The following CAST variants were observed in gnomAD, a reference collection of about 807,000 sequenced individuals.
CAST encodes calpastatin.
CAST carries 76 observed loss-of-function variants against 119.6 expected under a neutral mutation model. The observed-to-expected ratio is 0.64, with a 90% CI of 0.53 to 0.77. The LOEUF (loss-of-function observed/expected upper bound fraction) is 0.77. Among genes scored for constraint, CAST ranks in the 30% least tolerant of loss-of-function variants. The pLI, the probability that CAST is intolerant of heterozygous loss-of-function variation, is 0.00. For missense variants in CAST, 953 were observed against 946.5 expected, an observed-to-expected ratio of 1.01 and a Z score of -0.09; for synonymous variants, 319 against 331.6, an observed-to-expected ratio of 0.96 and a Z score of 0.41.
intron 1 of CAST, among the ~76,000 whole-genome samples, chr5:96,617,790 TAAAAAAAAAAAAAAAAAAAAAAAAAAAA>T (rs1162873931): frequency 9.1e-5 from 2 of 21,972 alleles, no homozygotes; most frequent in African/African-American, 1.2e-4. Context: ...AAATTCCATC[TAAAAAAAAAAAAAAAAAAAAAAAAAAAA>T]AAAAAAAAAA....
chr5:96,695,683 C>T lies in CAST; in HGVS notation c.139-153C>T, dbSNP rs61669951. 3,567 of 477,574 alleles carry T rather than the reference C, an allele frequency of 7.5e-3. 106 individuals are homozygous for T. The highest frequency in any genetic ancestry group is 0.062 in the African/African-American group (3,176 of 51,012). 29.6% of individuals were successfully genotyped at this position (477,574 alleles called of 1,614,324 possible). Reference sequence around the variant, plus strand: ...TTTGTATCATCTTCAGGCAAAGTAACGAAAAATTCAAAGCATATGTTTACT... The same window carrying T: ...TTTGTATCATCTTCAGGCAAAGTAATGAAAAATTCAAAGCATATGTTTACT... On this transcript the variant is annotated intron_variant, in intron 2 of 31. Transcript: ENST00000675179.
At chr5:96,097,406 A>G in the CAST span, among the ~76,000 whole-genome samples, 1 of 151,092 alleles carries the variant, frequency 6.6e-6, no homozygotes, top group Non-Finnish European at 1.5e-5. Context: ...AACTTGTGCC[A>G]TGGGGTTTGT....
At chr5:96,659,865 G>A (rs1042570850), upstream of CAST, among the ~76,000 whole-genome samples, 16 of 152,068 alleles carry the variant, frequency 1.1e-4, no homozygotes, top group Admixed American at 7.9e-4. Flanking sequence ...AGTAAATGCT[G>A]GTCCATGATA....
At chr5:96,079,025 C>G in the CAST span, 1 of 423,474 alleles carries the variant, frequency 2.4e-6, no homozygotes, top group African/African-American at 2.1e-5. Flanking sequence ...ATCTGTACAA[C>G]AAAACCCCAT....
chr5:96,284,087 A>G, the CAST span, among the ~76,000 whole-genome samples: 1 of 152,170 alleles, frequency 6.6e-6, no homozygotes, highest in Non-Finnish European at 1.5e-5. Context: ...ACCTTCTGCA[A>G]CTGTTCACTA....
At chr5:96,469,777 G>A in the CAST span, among the ~76,000 whole-genome samples, 2 of 150,134 alleles carry the variant, frequency 1.3e-5, no homozygotes, top group African/African-American at 2.4e-5. Flanking sequence ...AGCATCCCAT[G>A]CATAATAGAA....
chr5:96,652,452 A>G (rs566522837), intron 1 of CAST, among the ~76,000 whole-genome samples: 53 of 152,302 alleles, frequency 3.5e-4, no homozygotes, highest in African/African-American at 1.2e-3. Flanking sequence ...ACTCTGGAGG[A>G]GGAACATAAA....
intron 1 of CAST, among the ~76,000 whole-genome samples, chr5:96,626,152 G>A (rs141043552): frequency 6.6e-6 from 1 of 152,180 alleles, no homozygotes; most frequent in Non-Finnish European, 1.5e-5. Context: ...CTGAGGAAGA[G>A]AACCTACATG....
the CAST span, chr5:96,412,556 A>C: frequency 7.3e-7 from 1 of 1,362,174 alleles, no homozygotes; most frequent in Non-Finnish European, 1.0e-6. Flanking sequence ...CAAAAGCCCA[A>C]TACTCTTACT....
chr5:96,207,861 A>T, the CAST span, among the ~76,000 whole-genome samples: 1 of 152,238 alleles, frequency 6.6e-6, no homozygotes, highest in East Asian at 1.9e-4. Context: ...GAAAAGTTTA[A>T]GTAGAAATGG....
At chr5:96,553,803 A>G (rs6886146) in intron 1 of CAST, among the ~76,000 whole-genome samples, 26,953 of 152,100 alleles carry the variant, frequency 0.18, 2,716 homozygotes, top group East Asian at 0.28. Context: ...TCCCATTCTC[A>G]ATTGCTACTA....
At chr5:96,365,389 C>G in the CAST span, among the ~76,000 whole-genome samples, 1 of 152,154 alleles carries the variant, frequency 6.6e-6, no homozygotes, top group African/African-American at 2.4e-5. Flanking sequence ...TGTTAACTTT[C>G]TGTCTCGTTG....
At chr5:96,433,435 A>T in the CAST span, among the ~76,000 whole-genome samples, 1 of 152,366 alleles carries the variant, frequency 6.6e-6, no homozygotes, top group African/African-American at 2.4e-5. Flanking sequence ...GGATCAGTTA[A>T]GTCTGCTCCT....
At chr5:96,639,544 G>T (rs1353380527) in intron 1 of CAST, among the ~76,000 whole-genome samples, 1 of 152,206 alleles carries the variant, frequency 6.6e-6, no homozygotes, top group East Asian at 1.9e-4. Flanking sequence ...ATGAAGTCCA[G>T]AGGGGAAGAA....
chr5:96,166,497 T>C, the CAST span, among the ~76,000 whole-genome samples: 2 of 152,158 alleles, frequency 1.3e-5, no homozygotes, highest in Admixed American at 6.5e-5. Context: ...TGTCCCAGGA[T>C]ACAGAAACAC....
chr5:96,290,749 G>A, the CAST span, among the ~76,000 whole-genome samples: 860 of 152,328 alleles, frequency 5.6e-3, 10 homozygotes, highest in Admixed American at 0.011. Context: ...CTCAGTTGGG[G>A]CAAGCATCCT....
chr5:96,393,541 C>G, the CAST span, among the ~76,000 whole-genome samples: 6 of 152,140 alleles, frequency 3.9e-5, no homozygotes, highest in Non-Finnish European at 7.3e-5. Context: ...GGCTTCAACC[C>G]TCATTTGCCT....
the CAST span, among the ~76,000 whole-genome samples, chr5:96,035,103 ACTT>A: frequency 6.3e-5 from 9 of 143,534 alleles, no homozygotes; most frequent in African/African-American, 2.0e-4. Context: ...GTATATATAT[ACTT>A]CAAGATATAT....
At chr5:96,189,094 T>C in the CAST span, among the ~76,000 whole-genome samples, 2 of 152,224 alleles carry the variant, frequency 1.3e-5, no homozygotes, top group Non-Finnish European at 2.9e-5. Context: ...CTGCTGATTT[T>C]CTATTTTAAT....
Sources: gnomAD v4.1 joint callset for allele counts (sites outside exome capture counted in the v4.1 genomes callset) on GRCh38, gnomAD v4.1.1 for gene constraint, MANE v1.5 for transcripts, NCBI Gene and HGNC (gene_info 2026-07-23, HGNC 2026-07-21) for gene names.